The following HPS4 variants were observed in gnomAD, a reference collection of about 807,000 sequenced individuals.
HPS4 encodes BLOC-3 complex member HPS4.
In HPS4, 44 loss-of-function variants were observed where a neutral mutation model predicts 70.3. The observed-to-expected ratio is 0.63, with a 90% CI of 0.49 to 0.80. The LOEUF (loss-of-function observed/expected upper bound fraction) is 0.80. HPS4 is among the 30% of genes least tolerant of loss of function. HPS4 has a pLI of 0.00. For missense variants in HPS4, 873 were observed against 884.4 expected (o/e 0.99, Z 0.16); for synonymous variants, 377 against 355.9 (o/e 1.06, Z -0.67).
chr22:26,453,382 C>T lies in HPS4; in HGVS notation c.1978G>A (p.Ala660Thr), dbSNP rs530118832. 6.2e-6 allele frequency: 10 copies of T among 1,613,996 alleles called. No homozygotes were observed. The highest frequency in any genetic ancestry group is 2.2e-5 in the East Asian group (1 of 44,900). The change falls in exon 14 of 14, where the codon GCC becomes ACC. Residue 660 changes from alanine (A) to threonine (T), a missense_variant. Coordinates refer to ENST00000398145, the MANE Select transcript of HPS4 (RefSeq NM_022081.6). The stretch of plus-strand genomic sequence containing the variant: ...GTCTCCTGGATGGGGTTGCAACAGG[C>T]GTACACAGCCGTGGAGGCATTTCTG... The part of the protein sequence containing the change: ...TVRNASTAVY[A>T]CCNPIQETYF...
chr22:26,483,567 A>C, intron 1 of HPS4, 107 bp downstream of exon 1: 1 of 193,156 alleles, frequency 5.2e-6, no homozygotes. Flanking sequence ...GCTCTACGGG[A>C]CTGGGAAATG....
At chr22:26,483,119 A>G (rs1337443957) in intron 1 of HPS4, among the ~76,000 whole-genome samples, 1 of 152,122 alleles carries the variant, frequency 6.6e-6, no homozygotes, top group Admixed American at 6.5e-5. Flanking sequence ...AGCTCTAGAT[A>G]TTTTGGATTG....
intron 8 of HPS4, 162 bp from the exon 9 acceptor site, chr22:26,466,424 C>A: frequency 1.3e-6 from 1 of 788,178 alleles, no homozygotes; most frequent in South Asian, 1.5e-5. Flanking sequence ...AGAAGCTCCC[C>A]CAAGCTGCTG....
intron 1 of HPS4, among the ~76,000 whole-genome samples, 151 bp downstream of exon 1, chr22:26,483,523 T>C (rs1410159846): frequency 6.6e-6 from 1 of 151,968 alleles, no homozygotes; most frequent in Non-Finnish European, 1.5e-5. Context: ...CAGCGACTGG[T>C]AACAGCACTA....
In HPS4 at chr22:26,458,014, T is replaced by C. The variant is rs1894705; in HGVS notation, c.1847-47A>G. ...TTGTGAAGAGCAGACAGTTACCTTCTGCCCTCCCACCCCATGAAGCCCAGT... is the reference window on the plus strand; with the variant it reads ...TTGTGAAGAGCAGACAGTTACCTTCCGCCCTCCCACCCCATGAAGCCCAGT... On this transcript the variant is annotated intron_variant, in intron 12 of 13. Coordinates refer to ENST00000398145, the MANE Select transcript of HPS4 (RefSeq NM_022081.6). 1,340,066 of 1,452,274 alleles carry C rather than the reference T, an allele frequency of 0.92. 620,982 individuals are homozygous for C. Among genetic ancestry groups the C allele is most frequent in the Non-Finnish European group, 0.94 (986,946 of 1,048,460 alleles). 90.0% of individuals were successfully genotyped at this position (1,452,274 alleles called of 1,614,324 possible).
intron 8 of HPS4, chr22:26,467,556 C>A (rs1353969246): frequency 6.6e-6 from 1 of 152,198 alleles, no homozygotes; most frequent in South Asian, 2.1e-4. Flanking sequence ...GCATCCTTAA[C>A]GTTCTCATTA....
downstream of HPS4, among the ~76,000 whole-genome samples, chr22:26,447,602 T>C (rs1331419013): frequency 6.6e-6 from 1 of 152,146 alleles, no homozygotes; most frequent in Non-Finnish European, 1.5e-5. Context: ...ATGAGGTTTT[T>C]GAGGACCGTC....
Position 26,464,730 on chromosome 22 carries a change from A to G in HPS4, c.900T>C (p.His300=), listed in dbSNP as rs1161694839. 2.5e-6 allele frequency: 4 copies of G among 1,597,618 alleles called. No homozygotes were observed. The highest frequency in any genetic ancestry group is 3.4e-6 in the Non-Finnish European group (4 of 1,170,346). ...GGGTGGTCCAGGCCATGGATTCCAC[A>G]TGGCCAGTGGCGTTTTCTTTCAGGG... ...TSALKENATG[H]VESMAWTTPD... The change falls in exon 11 of 14, where the codon CAT becomes CAC. Residue 300 remains histidine, a synonymous_variant. Coordinates refer to ENST00000398145, the MANE Select transcript of HPS4 (RefSeq NM_022081.6).
chr22:26,461,178 C>T (rs1188775980), intron 11 of HPS4, among the ~76,000 whole-genome samples: 1 of 152,236 alleles, frequency 6.6e-6, no homozygotes, highest in Non-Finnish European at 1.5e-5. Flanking sequence ...ATGCATGGAA[C>T]ACACATTCAC....
Position 26,464,830 on chromosome 22 carries a change from G to C in HPS4, c.804-4C>G, listed in dbSNP as rs1372546902. On this transcript the variant is annotated splice_region_variant and splice_polypyrimidine_tract_variant and intron_variant, in intron 10 of 13. Transcript: ENST00000398145. ...TCCTGCTGGAGATGCTAGAGACCTGGCAAACAAGAGAGATGTAAGGAAGGG... is the reference window on the plus strand; with the variant it reads ...TCCTGCTGGAGATGCTAGAGACCTGCCAAACAAGAGAGATGTAAGGAAGGG... 2 of 1,589,502 alleles carry C rather than the reference G, an allele frequency of 1.3e-6. No homozygotes were observed. Among genetic ancestry groups the C allele is most frequent in the Non-Finnish European group, 1.7e-6 (2 of 1,170,920 alleles).
chr22:26,458,415 G>A (rs200607238), intron 12 of HPS4, 30 bp downstream of exon 12: 25 of 1,613,792 alleles, frequency 1.5e-5, no homozygotes, highest in South Asian at 5.5e-5. Flanking sequence ...TGGCATCCCC[G>A]TCGCCCCAGG....
upstream of HPS4, chr22:26,483,830 G>C: frequency 7.8e-7 from 1 of 1,279,502 alleles, no homozygotes; most frequent in Non-Finnish European, 9.9e-7. Context: ...CCAGCTCCTG[G>C]CAAGCCGGCG....
downstream of HPS4, among the ~76,000 whole-genome samples, chr22:26,449,091 C>T (rs1275247376): frequency 1.3e-5 from 2 of 152,136 alleles, no homozygotes; most frequent in Non-Finnish European, 1.5e-5. Flanking sequence ...TCCTTCAGGG[C>T]AGGAATCTAT....
At chr22:26,468,661 G>A (rs376015333) in intron 7 of HPS4, 38 bp from the exon 8 acceptor site, 46 of 1,570,724 alleles carry the variant, frequency 2.9e-5, no homozygotes, top group Non-Finnish European at 3.6e-5. Context: ...ACCATGAGAC[G>A]AAATACACCA....
At chr22:26,471,051 C>T in intron 6 of HPS4, 4 of 724,248 alleles carry the variant, frequency 5.5e-6, no homozygotes, top group Non-Finnish European at 9.3e-6. Flanking sequence ...TGTCCAGAAG[C>T]TAGAAGGTGC....
chr22:26,465,362 C>A, intron 10 of HPS4, 93 bp downstream of exon 10: 1 of 854,518 alleles, frequency 1.2e-6, no homozygotes, highest in Non-Finnish European at 2.0e-6. Flanking sequence ...AATTAAGGAA[C>A]GATGGGATGT....
chr22:26,446,851 G>C (rs140803748), downstream of HPS4, among the ~76,000 whole-genome samples: 1 of 152,110 alleles, frequency 6.6e-6, no homozygotes, highest in South Asian at 2.1e-4. Flanking sequence ...CCTCAGCCTC[G>C]TGACTAGCTG....
intron 2 of HPS4, among the ~76,000 whole-genome samples, chr22:26,480,654 C>T (rs2091189138): frequency 6.6e-6 from 1 of 152,162 alleles, no homozygotes; most frequent in Non-Finnish European, 1.5e-5. Context: ...CAGTGGCTCA[C>T]ACCTATAATC....
rs1460638277 is a variant in HPS4 at position 26,458,555 on chromosome 22, A to G, written c.1736T>C (p.Leu579Pro). 1.2e-6 allele frequency: 2 copies of G among 1,614,128 alleles called. No individual in the cohort carries two copies. Among genetic ancestry groups the G allele is most frequent in the Admixed American group, 1.7e-5 (1 of 60,024 alleles). Residue 579 changes from leucine to proline, a missense_variant, in exon 12 of 14, where the codon CTG becomes CCG. By Grantham distance (98) the Leu-to-Pro change is moderately conservative. Transcript: ENST00000398145. ...EEVYHSSLAS[L>P]NGLEVHLKET... ...TTTCAGGTGGACTTCCAGCCCATTC[A>G]GTGAAGCCAGGCTGCTGTGGTACTG...
Sources: gnomAD v4.1 joint callset for allele counts (sites outside exome capture counted in the v4.1 genomes callset) on GRCh38, gnomAD v4.1.1 for gene constraint, MANE v1.5 for transcripts, NCBI Gene and HGNC (gene_info 2026-07-23, HGNC 2026-07-21) for gene names.